Variants in UMAD1 observed in about 807,000 individuals in gnomAD.
UMAD1 encodes UBAP1-MVB12-associated (UMA)-domain containing protein 1.
A neutral mutation model predicts 6.1 loss-of-function variants in UMAD1; 8 were observed. The ratio of observed to expected loss-of-function variants is 1.30; its 90% CI spans 0.76 to 2.35. The LOEUF (loss-of-function observed/expected upper bound fraction) is 2.35, where lower values mean the gene tolerates loss of function less well. UMAD1 is among the 30% of genes most tolerant of loss of function. The probability of loss-of-function intolerance (pLI) is 0.00; values close to 1 mark genes in which losing one functional copy is unlikely to be tolerated. For synonymous variants in UMAD1, 56 were observed against 31.4 expected, an observed-to-expected ratio of 1.78 and a Z score of -2.61; for missense variants, 130 against 78.4, an observed-to-expected ratio of 1.66 and a Z score of -2.49.
chr7:7,864,993 C>T (rs1784199717), intron 3 of UMAD1, among the ~76,000 whole-genome samples: 1 of 152,154 alleles, frequency 6.6e-6, no homozygotes, highest in South Asian at 2.1e-4. Flanking sequence ...GCTAGAAGGG[C>T]GAGGTCCCGG....
At chr7:7,687,201 C>CT (rs1209385275) in intron 2 of UMAD1, 2 of 152,142 alleles carry the variant, frequency 1.3e-5, no homozygotes. Context: ...CATTTACTTG[C>CT]TGTGTGATTT....
chr7:7,789,315 T>G (rs940914153), intron 2 of UMAD1, among the ~76,000 whole-genome samples: 1 of 146,804 alleles, frequency 6.8e-6, no homozygotes, highest in African/African-American at 2.8e-5. Flanking sequence ...CTTTTCCCTT[T>G]AAATACCTAT....
intron 2 of UMAD1, among the ~76,000 whole-genome samples, chr7:7,748,222 G>A (rs1366760893): frequency 6.6e-6 from 1 of 151,858 alleles, no homozygotes; most frequent in African/African-American, 2.4e-5. Context: ...GGGATTACAG[G>A]CGTGAGCCAC....
At chr7:7,785,430 T>C (rs994544278) in intron 2 of UMAD1, among the ~76,000 whole-genome samples, 22 of 152,012 alleles carry the variant, frequency 1.4e-4, no homozygotes, top group Non-Finnish European at 2.5e-4. Flanking sequence ...ACCGAAGGGA[T>C]GAAAAGGGAT....
chr7:7,779,804 C>T (rs1296877760), intron 2 of UMAD1, among the ~76,000 whole-genome samples: 1 of 152,126 alleles, frequency 6.6e-6, no homozygotes, highest in Non-Finnish European at 1.5e-5. Context: ...ACCACCACAC[C>T]TGGCTAATTT....
chr7:7,843,315 A>C (rs1323255329), intron 3 of UMAD1, among the ~76,000 whole-genome samples: 1 of 152,180 alleles, frequency 6.6e-6, no homozygotes, highest in Admixed American at 6.6e-5. Flanking sequence ...TGGCTGAATC[A>C]GTTGCTCATT....
chr7:7,648,855 A>G (rs772282874), intron 1 of UMAD1, among the ~76,000 whole-genome samples: 52 of 151,000 alleles, frequency 3.4e-4, no homozygotes, highest in Non-Finnish European at 5.8e-4. Flanking sequence ...CCTGTCTCAA[A>G]AAAGAAAGAA....
At chr7:7,647,522 A>T (rs1785123487) in intron 1 of UMAD1, among the ~76,000 whole-genome samples, 1 of 152,236 alleles carries the variant, frequency 6.6e-6, no homozygotes, top group Non-Finnish European at 1.5e-5. Context: ...TCTGCTTAAT[A>T]TCTCAATTAT....
chr7:7,700,652 C>G (rs190646574), intron 2 of UMAD1, among the ~76,000 whole-genome samples: 1 of 152,174 alleles, frequency 6.6e-6, no homozygotes, highest in East Asian at 1.9e-4. Flanking sequence ...CTTTGGGAGG[C>G]CTAGGTGAGC....
intron 2 of UMAD1, among the ~76,000 whole-genome samples, chr7:7,699,004 A>C (rs1463989138): frequency 2.7e-5 from 4 of 147,886 alleles, no homozygotes; most frequent in Non-Finnish European, 6.0e-5. Flanking sequence ...ACAGGAGTGC[A>C]CCATCATGCC....
intron 2 of UMAD1, among the ~76,000 whole-genome samples, chr7:7,776,992 C>G (rs929160043): frequency 6.6e-6 from 1 of 152,142 alleles, no homozygotes; most frequent in African/African-American, 2.4e-5. Flanking sequence ...TATCTTTTTA[C>G]CCTCCTCCAT....
rs1583857671 is a variant in UMAD1, at chr7:7,830,954, A to G, written c.156+29211A>G. ...GGCTACAAGAATATTTTTTAATTAT[A>G]AAAAATATACCAGTCCTTAAAATAT... On this transcript the variant is annotated intron_variant, in intron 3 of 3. Coordinates refer to ENST00000682710, the MANE Select transcript of UMAD1 (RefSeq NM_001302348.2). This position sits in a 1 kb window ranked among gnomAD's most constrained non-coding sequence, Gnocchi z 5.3. Among the ~76,000 whole-genome samples the G allele has an allele frequency of 6.6e-6, 1 of 152,170 alleles. No homozygotes were observed.
At chr7:7,875,890 AAC>A (rs1784408112) in intron 3 of UMAD1, among the ~76,000 whole-genome samples, 4 of 152,250 alleles carry the variant, frequency 2.6e-5, no homozygotes, top group Middle Eastern at 3.4e-3. Flanking sequence ...CAGCTTGGGC[AAC>A]ATAGTGAAAT....
chr7:7,860,295 T>A (rs1784089076), intron 3 of UMAD1, among the ~76,000 whole-genome samples: 1 of 152,164 alleles, frequency 6.6e-6, no homozygotes, highest in South Asian at 2.1e-4. Flanking sequence ...CAAATTTATC[T>A]TACCCAAATA....
intron 2 of UMAD1, chr7:7,738,536 A>C (rs1781403525): frequency 1.3e-5 from 2 of 152,246 alleles, no homozygotes; most frequent in Non-Finnish European, 1.5e-5. Context: ...CTAAGCAATG[A>C]ATATAAATGA....
At chr7:7,710,153 T>C (rs1230258275) in intron 2 of UMAD1, among the ~76,000 whole-genome samples, 2 of 152,172 alleles carry the variant, frequency 1.3e-5, no homozygotes, top group South Asian at 2.1e-4. Context: ...TGACATTCCA[T>C]TGATGAATAT....
At chr7:7,654,695 G>A (rs1326607570) in intron 1 of UMAD1, among the ~76,000 whole-genome samples, 1 of 152,236 alleles carries the variant, frequency 6.6e-6, no homozygotes, top group East Asian at 1.9e-4. Flanking sequence ...TTGAGGCTAG[G>A]AGTTCGAGAC....
intron 2 of UMAD1, among the ~76,000 whole-genome samples, chr7:7,751,802 G>A (rs554963793): frequency 8.5e-5 from 13 of 152,254 alleles, no homozygotes; most frequent in Middle Eastern, 3.4e-3. Context: ...ATGTGTTCAC[G>A]TGATCATATG....
At chr7:7,870,750 C>A (rs1178088154) in intron 3 of UMAD1, among the ~76,000 whole-genome samples, 1 of 152,204 alleles carries the variant, frequency 6.6e-6, no homozygotes, top group Non-Finnish European at 1.5e-5. Context: ...AGCATGCCAA[C>A]AGCAGCTGCA....
Sources: gnomAD v4.1 joint callset for allele counts (sites outside exome capture counted in the v4.1 genomes callset) on GRCh38, gnomAD v4.1.1 for gene constraint, Gnocchi (gnomAD v3.1) non-coding constraint, MANE v1.5 for transcripts, NCBI Gene and HGNC (gene_info 2026-07-23, HGNC 2026-07-21) for gene names.